Variants in BCAS3 observed in about 807,000 individuals in gnomAD.
BCAS3 encodes the protein BCAS3 microtubule associated cell migration factor.
In BCAS3, 53 loss-of-function variants were observed where a neutral mutation model predicts 116.1. The ratio of observed to expected loss-of-function variants is 0.46; its 90% CI spans 0.37 to 0.57. The LOEUF (loss-of-function observed/expected upper bound fraction) is 0.57. Ranked by LOEUF, BCAS3 falls within the 20% of genes least tolerant of loss-of-function variation. The probability of loss-of-function intolerance (pLI) is 0.00; values close to 1 mark genes in which losing one functional copy is unlikely to be tolerated. For synonymous variants in BCAS3, 391 were observed against 408.2 expected (o/e 0.96, Z 0.51); for missense variants, 917 against 1,165.4 (o/e 0.79, Z 3.10).
Position 61,056,467 on chromosome 17 carries a change from CTT to C in BCAS3, c.2029+15576_2029+15577del, listed in dbSNP as rs1165748334. Among the ~76,000 whole-genome samples the C allele has an allele frequency of 1.3e-5, 2 of 152,040 alleles. No individual in the cohort carries two copies. The highest frequency in any genetic ancestry group is 6.5e-5 in the Admixed American group (1 of 15,292). ...GTTAAGAGGCAAATTAAAATTTTAA[CTT>C]ATACTTTATTTTAATTAAAGTATTT... On this transcript the variant is annotated intron_variant, in intron 19 of 23. Transcript: ENST00000407086. This position sits in a 1 kb window ranked among gnomAD's most constrained non-coding sequence, Gnocchi z 4.9.
At chr17:61,047,713 C>G (rs138294657) in intron 19 of BCAS3, among the ~76,000 whole-genome samples, 5 of 152,066 alleles carry the variant, frequency 3.3e-5, no homozygotes, top group African/African-American at 9.6e-5. Flanking sequence ...GAATATGATC[C>G]CAAAATAGAC....
Position 61,261,649 on chromosome 17 carries a change from A to G in BCAS3, c.2426-106678A>G, listed in dbSNP as rs1233984564. Among the ~76,000 whole-genome samples the G allele has an allele frequency of 4.6e-5, 7 of 152,324 alleles. No homozygotes were observed. Among genetic ancestry groups the G allele is most frequent in the African/African-American group, 1.7e-4 (7 of 41,574 alleles). ...ACCATCTCCACGATTTCTAGTGTAC[A>G]AATTGATGGTTGCATATACAGGAAT... On this transcript the variant is annotated intron_variant, in intron 22 of 23. Transcript: ENST00000407086. The surrounding 1 kb of genome is among the most constrained non-coding windows in gnomAD (Gnocchi z 4.4).
At chr17:60,898,948 C>A (rs555233198) in intron 10 of BCAS3, among the ~76,000 whole-genome samples, 1 of 152,110 alleles carries the variant, frequency 6.6e-6, no homozygotes, top group Non-Finnish European at 1.5e-5. Flanking sequence ...CAACCTCAGA[C>A]CCCCTGGAGG....
At chr17:61,147,414 GGGTTTCACCA>G (rs1444397279) in intron 22 of BCAS3, among the ~76,000 whole-genome samples, 1 of 151,950 alleles carries the variant, frequency 6.6e-6, no homozygotes, top group African/African-American at 2.4e-5. Flanking sequence ...TGTAGAGAGG[GGGTTTCACCA>G]GGTTGCCAGG....
chr17:60,947,340 A>T lies in BCAS3; in HGVS notation c.1209A>T (p.Glu403Asp). Residue 403 changes from glutamate to aspartate, a missense_variant, in exon 14 of 24, where the codon GAA becomes GAT. By Grantham distance (45) the Glu-to-Asp change is conservative (BLOSUM62 2). Around this residue, in one of 3 missense-constraint regions of BCAS3, gnomAD observed 807 missense variants for 1,026.0 expected, o/e 0.79. Transcript: ENST00000407086. ...ATCTGTATACTCTTCACAGGGGAGA[A>T]ACTGAAGCCAAAGTAAGCTGTATAA... ...VHHLYTLHRGETEAKVQDICF... is the reference protein window; with the variant it reads ...VHHLYTLHRGDTEAKVQDICF... The T allele has an allele frequency of 6.2e-7, 1 of 1,613,306 alleles. No individual in the cohort carries two copies. The highest frequency in any genetic ancestry group is 8.5e-7 in the Non-Finnish European group (1 of 1,179,616).
At chr17:61,123,634 G>T (rs1457684280) in intron 22 of BCAS3, among the ~76,000 whole-genome samples, 2 of 151,490 alleles carry the variant, frequency 1.3e-5, no homozygotes, top group African/African-American at 2.4e-5. Flanking sequence ...TATTGGGGGG[G>T]AGTGGGGGTA....
intron 22 of BCAS3, among the ~76,000 whole-genome samples, chr17:61,236,098 T>C (rs2083036499): frequency 6.6e-6 from 1 of 152,106 alleles, no homozygotes; most frequent in Admixed American, 6.6e-5. Context: ...AAACCAGAGA[T>C]TTTTATCTCC....
chr17:61,128,130 G>A lies in BCAS3; in HGVS notation c.2425+43566G>A. The A allele has an allele frequency of 1.0e-6, 1 of 956,008 alleles. No homozygotes were observed. The highest frequency in any genetic ancestry group is 1.2e-6 in the Non-Finnish European group (1 of 803,120). The allele number at this position is 956,008 out of a possible 1,614,324, so 59.2% of individuals were successfully genotyped here. A position where few individuals can be genotyped will look rare whatever the true frequency, so the allele number is the denominator to read the frequency against. Reference sequence around the variant, plus strand: ...TTTTAAAGAACCCATTCATTTTAGAGATTCCTTGATACTGTAAACCTGACA... The same window carrying A: ...TTTTAAAGAACCCATTCATTTTAGAAATTCCTTGATACTGTAAACCTGACA... On this transcript the variant is annotated intron_variant, in intron 22 of 23. Coordinates refer to ENST00000407086, the MANE Select transcript of BCAS3 (RefSeq NM_017679.5). The surrounding 1 kb of genome is among the most constrained non-coding windows in gnomAD (Gnocchi z 4.1).
intron 5 of BCAS3, among the ~76,000 whole-genome samples, chr17:60,724,335 A>G (rs1280983482): frequency 6.9e-6 from 1 of 144,412 alleles, no homozygotes; most frequent in Non-Finnish European, 1.5e-5. Context: ...AGGCGTGGGA[A>G]TTGCTTGAAC....
chr17:61,009,458 A>G (rs1454738767), intron 15 of BCAS3, among the ~76,000 whole-genome samples: 2 of 151,948 alleles, frequency 1.3e-5, no homozygotes, highest in African/African-American at 4.8e-5. Context: ...CCTGTAACAA[A>G]AATTTCTCTC....
intron 23 of BCAS3, among the ~76,000 whole-genome samples, chr17:61,369,513 A>G: frequency 6.6e-6 from 1 of 152,186 alleles, no homozygotes; most frequent in East Asian, 1.9e-4. Flanking sequence ...AATGTCTGAC[A>G]TCATCACACA....
Position 61,343,003 on chromosome 17 carries a change from C to T in BCAS3, c.2426-25324C>T, listed in dbSNP as rs1043745583. Among the ~76,000 whole-genome samples, 5 of 152,142 alleles carry T rather than the reference C, an allele frequency of 3.3e-5. No homozygotes were observed. The highest frequency in any genetic ancestry group is 4.4e-5 in the Non-Finnish European group (3 of 68,026). On this transcript the variant is annotated intron_variant, in intron 22 of 23. Transcript: ENST00000407086. This position sits in a 1 kb window ranked among gnomAD's most constrained non-coding sequence, Gnocchi z 5.5. The stretch of plus-strand genomic sequence containing the variant: ...CTAATCTCAGATGATCCACCCACCT[C>T]GGCCTCCCAAAGTGCTGGGATTACA...
Position 61,087,149 on chromosome 17 carries a change from G to A in BCAS3, c.2425+2585G>A, listed in dbSNP as rs895906796. On this transcript the variant is annotated intron_variant, in intron 22 of 23. Coordinates refer to ENST00000407086, the MANE Select transcript of BCAS3 (RefSeq NM_017679.5). The surrounding 1 kb of genome is among the most constrained non-coding windows in gnomAD (Gnocchi z 4.6). ...TATAATTGCTCTTGAACCGGGAAGT[G>A]CACCTCTGATTATGATCCATGCATT... The A allele has an allele frequency of 4.8e-5, 47 of 985,426 alleles. No homozygotes were observed. In the African/African-American group the frequency reaches 7.3e-4, roughly 15 times the overall value. 61.0% of individuals were successfully genotyped at this position (985,426 alleles called of 1,614,324 possible).
chr17:60,939,200 G>A (rs1398051154), intron 13 of BCAS3, among the ~76,000 whole-genome samples: 1 of 152,114 alleles, frequency 6.6e-6, no homozygotes, highest in Non-Finnish European at 1.5e-5. Flanking sequence ...GGAGGCCGAG[G>A]TGGGTAGATC....
At chr17:61,310,194 T>A (rs2054187859) in intron 22 of BCAS3, among the ~76,000 whole-genome samples, 1 of 152,222 alleles carries the variant, frequency 6.6e-6, no homozygotes, top group African/African-American at 2.4e-5. Flanking sequence ...CTTTTATGCG[T>A]ATGAGCTTTC....
At position 61,088,749 on chromosome 17, in the gene BCAS3, G is replaced by C. The variant is rs979682192; in HGVS notation, c.2425+4185G>C. Among the ~76,000 whole-genome samples, 1 of 152,216 alleles carries C rather than the reference G, an allele frequency of 6.6e-6. No individual in the cohort carries two copies. Among genetic ancestry groups the C allele is most frequent in the Non-Finnish European group, 1.5e-5 (1 of 68,030 alleles). On this transcript the variant is annotated intron_variant, in intron 22 of 23. Coordinates refer to ENST00000407086, the MANE Select transcript of BCAS3 (RefSeq NM_017679.5). The surrounding 1 kb of genome is among the most constrained non-coding windows in gnomAD (Gnocchi z 4.2). ...GATTTGTGGTTTTACTATGGAGATG[G>C]ATGTTTACTAACAAAGAACTCAGAT...
At position 60,868,691 on chromosome 17, in the gene BCAS3, T is replaced by C; in HGVS notation, c.584+8T>C. On this transcript the variant is annotated splice_region_variant and intron_variant, in intron 8 of 23. Transcript: ENST00000407086. Reference sequence around the variant, plus strand: ...TCTCCATTGCAATAAACGGTAAGGATTTTTTCATGGGTTTCTTGTGTAAAA... The same window carrying C: ...TCTCCATTGCAATAAACGGTAAGGACTTTTTCATGGGTTTCTTGTGTAAAA... 1 of 1,530,898 alleles carries C rather than the reference T, an allele frequency of 6.5e-7. No individual in the cohort carries two copies. The highest frequency in any genetic ancestry group is 2.0e-5 in the Admixed American group (1 of 49,900). 94.8% of individuals were successfully genotyped at this position (1,530,898 alleles called of 1,614,324 possible).
At chr17:60,698,562 A>T (rs1391429763) in intron 4 of BCAS3, among the ~76,000 whole-genome samples, 1 of 152,206 alleles carries the variant, frequency 6.6e-6, no homozygotes, top group African/African-American at 2.4e-5. Flanking sequence ...CTAAAATAAG[A>T]AAAAGGAGAT....
At chr17:60,941,864 AAAATGGTATG>A (rs1216946708) in intron 13 of BCAS3, among the ~76,000 whole-genome samples, 1 of 152,248 alleles carries the variant, frequency 6.6e-6, no homozygotes. Context: ...CATTCTACAT[AAAATGGTATG>A]ATTTAAAACG....
Sources: gnomAD v4.1 joint callset for allele counts (sites outside exome capture counted in the v4.1 genomes callset) on GRCh38, gnomAD v4.1.1 for gene constraint, gnomAD v4.1.1 regional missense constraint, Gnocchi (gnomAD v3.1) non-coding constraint, MANE v1.5 for transcripts, NCBI Gene and HGNC (gene_info 2026-07-23, HGNC 2026-07-21) for gene names.